The following TMEM132B variants were observed in gnomAD, a reference collection of about 807,000 sequenced individuals.
TMEM132B encodes the protein transmembrane protein 132B.
Under a neutral mutation model 90.8 loss-of-function variants are expected in TMEM132B, and 18 were observed. The observed-to-expected ratio is 0.20, with a 90% CI of 0.14 to 0.29. The LOEUF (loss-of-function observed/expected upper bound fraction) is 0.29, where lower values mean the gene tolerates loss of function less well. Ranked by LOEUF, TMEM132B falls within the 10% of genes least tolerant of loss-of-function variation. The pLI, the probability that TMEM132B is intolerant of heterozygous loss-of-function variation, is 1.00. For missense variants in TMEM132B, 1,096 were observed against 1,326.8 expected (o/e 0.83, Z 2.70); for synonymous variants, 504 against 523.3 (o/e 0.96, Z 0.50).
intron 2 of TMEM132B, among the ~76,000 whole-genome samples, chr12:125,384,330 A>G (rs1398664799): frequency 6.6e-6 from 1 of 152,232 alleles, no homozygotes; most frequent in Non-Finnish European, 1.5e-5. Context: ...CCCTTAGGGT[A>G]TCTGTCCCAT....
At chr12:125,453,084 C>CAA (rs1566040739) in intron 3 of TMEM132B, among the ~76,000 whole-genome samples, 1 of 132,842 alleles carries the variant, frequency 7.5e-6, no homozygotes, top group Non-Finnish European at 1.5e-5. Flanking sequence ...AAAACACACA[C>CAA]ACACACACAC....
At chr12:125,228,499 A>AGCATTTCT (rs1248346902) in intron 1 of TMEM132B, among the ~76,000 whole-genome samples, 4 of 152,216 alleles carry the variant, frequency 2.6e-5, no homozygotes, top group Non-Finnish European at 5.9e-5. Context: ...TCCTGACCTC[A>AGCATTTCT]GCATTTCTGC....
intron 4 of TMEM132B, among the ~76,000 whole-genome samples, chr12:125,576,591 C>T (rs1884946965): frequency 6.6e-6 from 1 of 151,614 alleles, no homozygotes; most frequent in African/African-American, 2.4e-5. Flanking sequence ...GTGATATTAG[C>T]TGTATGTTCT....
chr12:125,474,481 G>T (rs1385099945), intron 3 of TMEM132B, among the ~76,000 whole-genome samples: 1 of 151,970 alleles, frequency 6.6e-6, no homozygotes, highest in Non-Finnish European at 1.5e-5. Context: ...GTAGAGAGGG[G>T]GTCTCCCAAG....
intron 3 of TMEM132B, among the ~76,000 whole-genome samples, chr12:125,489,840 G>A (rs1465092769): frequency 6.6e-6 from 1 of 152,192 alleles, no homozygotes; most frequent in Non-Finnish European, 1.5e-5. Context: ...AGTTTGAATG[G>A]TCCAAGATGG....
intron 2 of TMEM132B, among the ~76,000 whole-genome samples, chr12:125,380,791 C>T (rs568381941): frequency 6.6e-6 from 1 of 152,278 alleles, no homozygotes; most frequent in Non-Finnish European, 1.5e-5. Flanking sequence ...CCACATTTCT[C>T]CTGCTTAATG....
chr12:125,319,756 T>G lies in TMEM132B; in HGVS notation c.68-29696T>G, dbSNP rs560532380. ...CTGGCCAGGTGTAGTGGCTCACACC[T>G]GTAATCCCAGCCCTGTGGGAGGCTG... On this transcript the variant is annotated intron_variant, in intron 1 of 8. Transcript: ENST00000682704. Among the ~76,000 whole-genome samples the G allele has an allele frequency of 5.9e-4, 90 of 152,310 alleles. 1 individual carries two copies. The highest frequency in any genetic ancestry group is 5.0e-3 in the Admixed American group (77 of 15,312).
At chr12:125,372,694 C>T (rs1458879406) in intron 2 of TMEM132B, among the ~76,000 whole-genome samples, 2 of 152,138 alleles carry the variant, frequency 1.3e-5, no homozygotes, top group Non-Finnish European at 2.9e-5. Context: ...TAAAAAGTCC[C>T]CTTTCCTGCT....
chr12:125,652,810 A>C (rs921895795), intron 8 of TMEM132B, among the ~76,000 whole-genome samples, 178 bp downstream of exon 8: 4 of 152,196 alleles, frequency 2.6e-5, no homozygotes, highest in African/African-American at 9.7e-5. Flanking sequence ...GCTTAGACAC[A>C]TTTCCTCTTA....
At chr12:125,633,801 G>A (rs570968844) in intron 5 of TMEM132B, among the ~76,000 whole-genome samples, 1 of 152,336 alleles carries the variant, frequency 6.6e-6, no homozygotes, top group Non-Finnish European at 1.5e-5. Flanking sequence ...TCTGTTCTGA[G>A]CCACCTGAAG....
chr12:125,312,601 T>C (rs1876149211), intron 1 of TMEM132B, among the ~76,000 whole-genome samples: 1 of 152,210 alleles, frequency 6.6e-6, no homozygotes, highest in Non-Finnish European at 1.5e-5. Context: ...GGCCTCTGCT[T>C]CTGGAGCCTG....
At chr12:125,637,127 TG>T in intron 5 of TMEM132B, among the ~76,000 whole-genome samples, 1 of 152,340 alleles carries the variant, frequency 6.6e-6, no homozygotes, top group African/African-American at 2.4e-5. Context: ...ATTATTAATT[TG>T]TAGTTTGATA....
chr12:125,243,355 G>A (rs1463998367), intron 1 of TMEM132B, among the ~76,000 whole-genome samples: 1 of 147,660 alleles, frequency 6.8e-6, no homozygotes, highest in Non-Finnish European at 1.5e-5. Flanking sequence ...TGTCTGGGCT[G>A]GAGTGCAGTG....
At chr12:125,369,045 C>G (rs964283350) in intron 2 of TMEM132B, among the ~76,000 whole-genome samples, 1 of 151,138 alleles carries the variant, frequency 6.6e-6, no homozygotes, top group African/African-American at 2.4e-5. Flanking sequence ...TGACAGGCCC[C>G]GGTGTGTGAT....
chr12:125,286,918 G>A (rs900094536), intron 1 of TMEM132B, among the ~76,000 whole-genome samples: 25 of 151,992 alleles, frequency 1.6e-4, no homozygotes, highest in Non-Finnish European at 5.9e-5. Flanking sequence ...GGCCAGACTG[G>A]ACTCGCACTC....
intron 4 of TMEM132B, among the ~76,000 whole-genome samples, chr12:125,535,533 A>G (rs887707929): frequency 6.6e-6 from 1 of 152,112 alleles, no homozygotes; most frequent in Non-Finnish European, 1.5e-5. Flanking sequence ...CAGGAACACA[A>G]TTCTCCTACT....
At chr12:125,438,120 A>G (rs569166706) in intron 3 of TMEM132B, among the ~76,000 whole-genome samples, 29 of 152,316 alleles carry the variant, frequency 1.9e-4, no homozygotes, top group African/African-American at 6.3e-4. Context: ...CTAAACTCCT[A>G]CAAGAATCAA....
chr12:125,403,405 A>G (rs1370755184), intron 2 of TMEM132B, among the ~76,000 whole-genome samples: 1 of 152,236 alleles, frequency 6.6e-6, no homozygotes, highest in African/African-American at 2.4e-5. Context: ...CCTTGTGGTC[A>G]TATATTTTTC....
intron 2 of TMEM132B, among the ~76,000 whole-genome samples, chr12:125,381,603 C>T (rs572302383): frequency 7.9e-5 from 12 of 152,294 alleles, no homozygotes; most frequent in East Asian, 1.9e-4. Flanking sequence ...TGGAACTGTC[C>T]ATTCCAGTGG....
Sources: allele counts gnomAD v4.1 joint callset (sites outside exome capture counted in the v4.1 genomes callset), GRCh38; gene constraint gnomAD v4.1.1; transcripts MANE v1.5; gene names NCBI Gene and HGNC (gene_info 2026-07-23, HGNC 2026-07-21).